The following NRCAM variants were observed in gnomAD, a reference collection of about 807,000 sequenced individuals.
NRCAM encodes NgCAM-related cell adhesion molecule.
In NRCAM, 83 loss-of-function variants were observed where a neutral mutation model predicts 156.5. The ratio of observed to expected loss-of-function variants is 0.53; its 90% CI spans 0.44 to 0.64. NRCAM has a LOEUF of 0.64. Among genes scored for constraint, NRCAM ranks in the 30% least tolerant of loss-of-function variants. NRCAM has a pLI of 0.00. For missense variants in NRCAM, 1,417 were observed against 1,597.3 expected (o/e 0.89, Z 1.92); for synonymous variants, 538 against 563.9 (o/e 0.95, Z 0.65).
intron 26 of NRCAM, chr7:108,176,875 G>A (rs2060698042): frequency 4.4e-6 from 1 of 226,382 alleles, no homozygotes; most frequent in Admixed American, 5.6e-5. Flanking sequence ...TGTTGTGGTT[G>A]AATCACAATA....
intron 5 of NRCAM, among the ~76,000 whole-genome samples, chr7:108,235,498 T>G (rs949055835): frequency 1.3e-5 from 2 of 152,126 alleles, no homozygotes; most frequent in Non-Finnish European, 2.9e-5. Flanking sequence ...AAGAATAATT[T>G]TTTACAACCT....
intron 3 of NRCAM, among the ~76,000 whole-genome samples, chr7:108,241,553 G>A (rs2095529350): frequency 6.6e-6 from 1 of 152,102 alleles, no homozygotes; most frequent in South Asian, 2.1e-4. Flanking sequence ...ATTTTACGAT[G>A]TCCATCTTTT....
chr7:108,213,256 TAAAAC>T (rs1209018832), intron 11 of NRCAM, among the ~76,000 whole-genome samples: 2 of 152,108 alleles, frequency 1.3e-5, no homozygotes, highest in Non-Finnish European at 1.5e-5. Flanking sequence ...TTCTAAATCT[TAAAAC>T]AAATCCTGGA....
Position 108,155,087 on chromosome 7 carries a change from CATATATATAT to C in NRCAM, c.3677+4366_3677+4375del, listed in dbSNP as rs148453642. 4.6e-3 allele frequency among the ~76,000 whole-genome samples: 524 copies of C among 114,128 alleles called. 5 individuals are homozygous for C. Among genetic ancestry groups the C allele is most frequent in the Middle Eastern group, 0.014 (3 of 212 alleles). The allele number at this position is 114,128 out of a possible 152,430, so 74.9% of individuals were successfully genotyped here. A position where few individuals can be genotyped will look rare whatever the true frequency, so the allele number is the denominator to read the frequency against. On this transcript the variant is annotated intron_variant, in intron 32 of 32. Coordinates refer to ENST00000379028, the MANE Select transcript of NRCAM (RefSeq NM_001037132.4). ...AAGTCATAGAAGATGATTTAAAAGTCATATATATATATATACACACACACACACACACACA... is the reference window on the plus strand; with the variant it reads ...AAGTCATAGAAGATGATTTAAAAGTCATATACACACACACACACACACACA...
intron 1 of NRCAM, among the ~76,000 whole-genome samples, chr7:108,406,523 T>C (rs998037320): frequency 2.0e-5 from 3 of 152,230 alleles, no homozygotes; most frequent in Non-Finnish European, 4.4e-5. Context: ...TCTCCTTCCA[T>C]GTTGGAGAGA....
rs763012512 is a variant in NRCAM, at chr7:108,231,069, A to G, written c.512T>C (p.Ile171Thr). ...QSLVLPCRPP[I>T]GLPPPIIFWM... ...AAATATTATAGGTGGTGGTAATCCA[A>G]TTGGGGGTCTGCAGGGAAGTACTAA... Residue 171 changes from isoleucine to threonine, a missense_variant, in exon 8 of 33, where the codon ATT (isoleucine) becomes ACT (threonine). Ile to Thr is a moderately conservative substitution (Grantham distance 89, BLOSUM62 -1). This residue lies in a region of NRCAM where 1,238 missense variants were observed against 1,336.4 expected (regional missense o/e 0.93). Coordinates refer to ENST00000379028, the MANE Select transcript of NRCAM (RefSeq NM_001037132.4). 2 of 1,608,426 alleles carry G rather than the reference A, an allele frequency of 1.2e-6. No homozygotes were observed. Among genetic ancestry groups the G allele is most frequent in the Non-Finnish European group, 8.5e-7 (1 of 1,176,264 alleles).
At chr7:108,225,988 T>C (rs2093379148) in intron 9 of NRCAM, among the ~76,000 whole-genome samples, 1 of 152,186 alleles carries the variant, frequency 6.6e-6, no homozygotes, top group Non-Finnish European at 1.5e-5. Flanking sequence ...AAGGTTATCA[T>C]GGAACCAGTC....
At chr7:108,178,419 G>A in intron 25 of NRCAM, 3 of 410,872 alleles carry the variant, frequency 7.3e-6, no homozygotes, top group East Asian at 6.9e-5. Context: ...ACGCATGAAT[G>A]GTGTCTTAAT....
chr7:108,354,295 A>G (rs2099461800), intron 2 of NRCAM, among the ~76,000 whole-genome samples: 1 of 152,226 alleles, frequency 6.6e-6, no homozygotes, highest in African/African-American at 2.4e-5. Context: ...ACTCATTCGA[A>G]GTGACTACTC....
At chr7:108,373,357 T>C (rs1157054866) in intron 2 of NRCAM, among the ~76,000 whole-genome samples, 1 of 152,156 alleles carries the variant, frequency 6.6e-6, no homozygotes, top group Non-Finnish European at 1.5e-5. Flanking sequence ...GTTCTTACTA[T>C]AATAAGAGAG....
At position 108,180,631 on chromosome 7, in the gene NRCAM, T is replaced by G. The variant is rs116168846; in HGVS notation, c.2647-204A>C. Among the ~76,000 whole-genome samples the G allele has an allele frequency of 2.9e-3, 439 of 152,350 alleles. 2 individuals carry two copies. Among genetic ancestry groups the G allele is most frequent in the African/African-American group, 9.9e-3 (411 of 41,580 alleles). Reference sequence around the variant, plus strand: ...TGAGGGAAATTAAATTACAGCCACATGACAAAGCTGGGCTACACTACTTTG... The same window carrying G: ...TGAGGGAAATTAAATTACAGCCACAGGACAAAGCTGGGCTACACTACTTTG... On this transcript the variant is annotated intron_variant, in intron 24 of 32. Coordinates refer to ENST00000379028, the MANE Select transcript of NRCAM (RefSeq NM_001037132.4).
intron 3 of NRCAM, among the ~76,000 whole-genome samples, chr7:108,268,639 G>GGT: frequency 6.9e-6 from 1 of 144,990 alleles, no homozygotes. Context: ...GGGGGGTTGG[G>GGT]GGGGGCGGCG....
At chr7:108,301,665 T>C (rs1273935462) in intron 3 of NRCAM, among the ~76,000 whole-genome samples, 1 of 152,130 alleles carries the variant, frequency 6.6e-6, no homozygotes, top group Non-Finnish European at 1.5e-5. Flanking sequence ...ATAATTTTGC[T>C]ATTTTTGAAA....
intron 2 of NRCAM, among the ~76,000 whole-genome samples, chr7:108,378,884 T>C (rs1488730567): frequency 8.6e-5 from 13 of 151,076 alleles, no homozygotes. Context: ...AAAAAAAAAA[T>C]ACTTGAACAA....
intron 1 of NRCAM, among the ~76,000 whole-genome samples, chr7:108,405,404 A>G (rs866165367): frequency 1.5e-4 from 23 of 152,344 alleles, no homozygotes; most frequent in Middle Eastern, 3.4e-3. Context: ...AGTAGTTTTC[A>G]TGGTCCATAC....
intron 13 of NRCAM, among the ~76,000 whole-genome samples, chr7:108,205,021 G>C (rs904576004): frequency 6.6e-6 from 1 of 152,146 alleles, no homozygotes; most frequent in Non-Finnish European, 1.5e-5. Flanking sequence ...GATTTACAAG[G>C]TTCCCTCAGA....
intron 3 of NRCAM, among the ~76,000 whole-genome samples, chr7:108,247,561 CATAAATTTGTTTATGCTAAATTATTTTAG>C (rs560660456): frequency 0.073 from 11,086 of 151,490 alleles, 591 homozygotes; most frequent in African/African-American, 0.14. Context: ...ATTATTTTAG[CATAAATTTGTTTATGCTAAATTATTTTAG>C]CATAAATTTG....
intron 3 of NRCAM, among the ~76,000 whole-genome samples, chr7:108,249,621 A>C (rs907727344): frequency 1.3e-5 from 2 of 152,228 alleles, no homozygotes; most frequent in Non-Finnish European, 2.9e-5. Flanking sequence ...AGTTTCTTGG[A>C]AGTTAAATAT....
intron 1 of NRCAM, among the ~76,000 whole-genome samples, chr7:108,437,610 GGAGGCCT>G (rs767520194): frequency 3.3e-5 from 5 of 151,876 alleles, no homozygotes; most frequent in Non-Finnish European, 7.4e-5. Flanking sequence ...AAAAAACAAC[GGAGGCCT>G]GAAGGCCGTA....
Sources: gnomAD v4.1 joint callset for allele counts (sites outside exome capture counted in the v4.1 genomes callset) on GRCh38, gnomAD v4.1.1 for gene constraint, gnomAD v4.1.1 regional missense constraint, MANE v1.5 for transcripts, NCBI Gene and HGNC (gene_info 2026-07-23, HGNC 2026-07-21) for gene names.